ZNF318: variants seen among roughly 807,000 people sequenced by gnomAD.
The protein encoded by ZNF318 is zinc finger protein 318.
ZNF318 carries 51 observed loss-of-function variants against 124.2 expected under a neutral mutation model. That is an observed-to-expected ratio of 0.41 (90% CI 0.33 to 0.52). ZNF318 has a LOEUF of 0.52. Ranked by LOEUF, ZNF318 falls within the 20% of genes least tolerant of loss-of-function variation. ZNF318 has a pLI of 0.23. For missense variants in ZNF318, 2,815 were observed against 2,811.2 expected (o/e 1.00, Z -0.03); for synonymous variants, 1,090 against 1,040.7 (o/e 1.05, Z -0.91).
At chr6:43,352,023 A>C (rs1260654009) in intron 5 of ZNF318, among the ~76,000 whole-genome samples, 1 of 151,956 alleles carries the variant, frequency 6.6e-6, no homozygotes, top group Non-Finnish European at 1.5e-5. Context: ...AGGTGCCTGT[A>C]ATCTCAGCTA....
rs181374837 is a variant in ZNF318, at chr6:43,354,094, T to C, written c.2670+570A>G. On this transcript the variant is annotated intron_variant, in intron 4 of 9. Transcript: ENST00000361428. ...TCTCTATATAAAATATACGTATACA[T>C]ACACACACATACACACACACACACA... Among the ~76,000 whole-genome samples, 328 of 151,858 alleles carry C rather than the reference T, an allele frequency of 2.2e-3. 3 individuals are homozygous for C. Among genetic ancestry groups the C allele is most frequent in the Middle Eastern group, 3.4e-3 (1 of 294 alleles).
At position 43,337,223 on chromosome 6, in the gene ZNF318, T is replaced by C; in HGVS notation, c.6775A>G (p.Met2259Val). 1 of 1,614,048 alleles carries C rather than the reference T, an allele frequency of 6.2e-7. No individual in the cohort carries two copies. Among genetic ancestry groups the C allele is most frequent in the African/African-American group, 1.3e-5 (1 of 75,046 alleles). ...CCAACTGTAGTTTCCTGTTCAGGCA[T>C]TCCCTGAGGGACCATATTGTCTTCA... ...VIEDNMVPQG[M>V]PEQETTVGAI... Residue 2259 changes from methionine to valine, a missense_variant, in exon 10 of 10, where the codon ATG (methionine) becomes GTG (valine). Around this residue, in one of 4 missense-constraint regions of ZNF318, gnomAD observed 927 missense variants for 820.6 expected, o/e 1.13. Coordinates refer to ENST00000361428, the MANE Select transcript of ZNF318 (RefSeq NM_014345.3).
At chr6:43,356,189 A>G in intron 3 of ZNF318, 44 bp from the exon 4 acceptor site, 2 of 1,556,914 alleles carry the variant, frequency 1.3e-6, no homozygotes, top group Non-Finnish European at 8.6e-7. Context: ...GCAGAATCTC[A>G]GAACATTAGT....
chr6:43,367,951 G>A (rs781616952), intron 1 of ZNF318, among the ~76,000 whole-genome samples: 1 of 152,200 alleles, frequency 6.6e-6, no homozygotes, highest in South Asian at 2.1e-4. Context: ...ATTGAACCCC[G>A]GAGGCGGAGG....
In ZNF318 at chr6:43,369,247, G is replaced by A; in HGVS notation, c.119C>T (p.Ser40Leu). The A allele has an allele frequency of 1.6e-6, 2 of 1,250,778 alleles. No homozygotes were observed. Among genetic ancestry groups the A allele is most frequent in the Non-Finnish European group, 2.0e-6 (2 of 997,102 alleles). 77.5% of individuals were successfully genotyped at this position (1,250,778 alleles called of 1,614,324 possible). Residue 40 changes from serine to leucine, a missense_variant, in exon 1 of 10, where the codon TCA (serine) becomes TTA (leucine). By Grantham distance (145) the Ser-to-Leu change is moderately radical. Transcript: ENST00000361428. Reference protein sequence around the residue: ...GSSSGPARRSSPPPPPSGSSS... With the variant: ...GSSSGPARRSLPPPPPSGSSS... ...GGAGCCGGAGGGCGGAGGCGGCGGT[G>A]AGCTGCGGCGAGCCGGGCCTGAGGA...
intron 4 of ZNF318, among the ~76,000 whole-genome samples, chr6:43,353,350 T>C (rs975505645): frequency 3.3e-5 from 5 of 151,106 alleles, no homozygotes; most frequent in African/African-American, 7.3e-5. Flanking sequence ...AAAATGAGAC[T>C]GGCCCTCTAA....
At chr6:43,347,203 A>T (rs1254296282) in intron 6 of ZNF318, among the ~76,000 whole-genome samples, 1 of 152,236 alleles carries the variant, frequency 6.6e-6, no homozygotes, top group Non-Finnish European at 1.5e-5. Context: ...AGAGGAGATG[A>T]TACATTTGAG....
At chr6:43,347,456 G>A (rs1779462903) in intron 6 of ZNF318, among the ~76,000 whole-genome samples, 1 of 152,202 alleles carries the variant, frequency 6.6e-6, no homozygotes, top group African/African-American at 2.4e-5. Context: ...GTAATTGATT[G>A]CATATGGAGC....
Position 43,337,116 on chromosome 6 carries a change from G to C in ZNF318, c.*42C>G. The C allele has an allele frequency of 2.7e-6, 4 of 1,499,040 alleles. No homozygotes were observed. Among genetic ancestry groups the C allele is most frequent in the Non-Finnish European group, 3.6e-6 (4 of 1,123,074 alleles). The allele number at this position is 1,499,040 out of a possible 1,614,324, so 92.9% of individuals were successfully genotyped here. A position where few individuals can be genotyped will look rare whatever the true frequency, so the allele number is the denominator to read the frequency against. ...GGATCATCTGGGCATCTGATTTCTA[G>C]AAGCCAATGATTCACTCACAAGTAG... On this transcript the variant is annotated 3_prime_UTR_variant, in exon 10 of 10. Transcript: ENST00000361428.
chr6:43,349,386 CTTTTT>C (rs369338217), intron 5 of ZNF318, among the ~76,000 whole-genome samples: 4 of 124,170 alleles, frequency 3.2e-5, no homozygotes, highest in Admixed American at 8.2e-5. Flanking sequence ...TCTGGTTTAT[CTTTTT>C]TTTTTTTTTT....
At chr6:43,366,565 G>C (rs1046482678) in intron 1 of ZNF318, among the ~76,000 whole-genome samples, 2 of 152,138 alleles carry the variant, frequency 1.3e-5, no homozygotes, top group African/African-American at 4.8e-5. Context: ...GGGAGGCTGA[G>C]GCAGGAGAAT....
chr6:43,349,313 T>C (rs1355160777), intron 5 of ZNF318, among the ~76,000 whole-genome samples: 1 of 152,084 alleles, frequency 6.6e-6, no homozygotes. Flanking sequence ...GAGGGTAATA[T>C]ATTTGACTTT....
At chr6:43,344,070 A>G (rs368538728) in intron 6 of ZNF318, among the ~76,000 whole-genome samples, 3 of 152,270 alleles carry the variant, frequency 2.0e-5, no homozygotes, top group African/African-American at 7.2e-5. Context: ...TCTATAGTAC[A>G]CAAGATGAAG....
Position 43,352,410 on chromosome 6 carries a change from T to G in ZNF318, c.2737A>C (p.Arg913=). The change falls in exon 5 of 10, where the codon AGG becomes CGG. Residue 913 remains arginine, a synonymous_variant. Coordinates refer to ENST00000361428, the MANE Select transcript of ZNF318 (RefSeq NM_014345.3). ...EARQKKMYYL[R]TELERLHKQQ... ...TTATGAAGCCGCTCTAACTCGGTCC[T>G]AAGATAGTACATCTTCTTCTGGCGG... 1 of 1,614,188 alleles carries G rather than the reference T, an allele frequency of 6.2e-7. No homozygotes were observed.
In ZNF318 at chr6:43,366,421, T is replaced by G. The variant is rs144264749; in HGVS notation, c.400-981A>C. Among the ~76,000 whole-genome samples the G allele has an allele frequency of 1.4e-4, 21 of 152,298 alleles. No individual in the cohort carries two copies. The East Asian group carries it at 3.9e-3, about 28-fold the overall frequency. ...TGACTACATTTTTCCTCCAGATGCT[T>G]GCACAGCACACCCTCACCTCCTTCA... On this transcript the variant is annotated intron_variant, in intron 1 of 9. Transcript: ENST00000361428.
chr6:43,337,433 AAC>A lies in ZNF318; in HGVS notation c.6563_6564del (p.Cys2188PhefsTer5), dbSNP rs761556767. 7 of 1,614,158 alleles carry A rather than the reference AAC, an allele frequency of 4.3e-6. No individual in the cohort carries two copies. The highest frequency in any genetic ancestry group is 2.2e-5 in the East Asian group (1 of 44,888). On this transcript the variant is annotated frameshift_variant, in exon 10 of 10. Coordinates refer to ENST00000361428, the MANE Select transcript of ZNF318 (RefSeq NM_014345.3). LOFTEE classifies it low-confidence loss of function (END_TRUNC). ...GGGTCACCTGGCTCAGAGAGTGGAG[AAC>A]ACAGTTTATCTTTTTGAACTCCAGA... ...RTSGVQKDKL[C>X]SPLSEPGDPS...
rs1779741103 is a variant in ZNF318, at chr6:43,365,075, C to A, written c.548+217G>T. 2.0e-5 allele frequency among the ~76,000 whole-genome samples: 3 copies of A among 152,240 alleles called. No homozygotes were observed. The South Asian group carries it at 6.2e-4, about 32-fold the overall frequency. On this transcript the variant is annotated intron_variant, in intron 2 of 9. Coordinates refer to ENST00000361428, the MANE Select transcript of ZNF318 (RefSeq NM_014345.3). ...CAGACTCAGATGACCTTTTTAAAGT[C>A]TTTTTTTCTATACAATTTATTCAAC...
chr6:43,343,827 CAAAA>C (rs10560070), intron 6 of ZNF318, among the ~76,000 whole-genome samples: 6 of 101,930 alleles, frequency 5.9e-5, no homozygotes, highest in African/African-American at 6.7e-5. Context: ...GACCCTGTCT[CAAAA>C]AAAAAAAAAA....
In ZNF318 at chr6:43,369,240, C is replaced by T; in HGVS notation, c.126G>A (p.Pro42=). 1 of 1,234,996 alleles carries T rather than the reference C, an allele frequency of 8.1e-7. No individual in the cohort carries two copies. Among genetic ancestry groups the T allele is most frequent in the Non-Finnish European group, 1.0e-6 (1 of 988,650 alleles). The allele number at this position is 1,234,996 out of a possible 1,614,324, so 76.5% of individuals were successfully genotyped here. Residue 42 remains proline, a synonymous_variant, in exon 1 of 10, where the codon CCG becomes CCA. Transcript: ENST00000361428. ...SSGPARRSSP[P]PPPSGSSSRT... ...GCGACGAGGAGCCGGAGGGCGGAGG[C>T]GGCGGTGAGCTGCGGCGAGCCGGGC...
Sources: gnomAD v4.1 joint callset for allele counts (sites outside exome capture counted in the v4.1 genomes callset) on GRCh38, gnomAD v4.1.1 for gene constraint, gnomAD v4.1.1 regional missense constraint, MANE v1.5 for transcripts, NCBI Gene and HGNC (gene_info 2026-07-23, HGNC 2026-07-21) for gene names.